The following NLGN4Y variants were observed in gnomAD, a reference collection of about 807,000 sequenced individuals.
The protein encoded by NLGN4Y is neuroligin 4 Y-linked.
A neutral mutation model predicts 8.4 loss-of-function variants in NLGN4Y; 4 were observed. That is an observed-to-expected ratio of 0.48 (90% CI 0.23 to 1.09). The LOEUF (loss-of-function observed/expected upper bound fraction) is 1.09, where lower values mean the gene tolerates loss of function less well. NLGN4Y is among the 50% of genes least tolerant of loss of function. The pLI, the probability that NLGN4Y is intolerant of heterozygous loss-of-function variation, is 0.19. For missense variants in NLGN4Y, 90 were observed against 192.3 expected (o/e 0.47, Z 3.15); for synonymous variants, 35 against 75.6 (o/e 0.46, Z 2.78).
intron 6 of NLGN4Y, among the ~76,000 whole-genome samples, chrY:14,831,434 C>T: frequency 3.2e-5 from 1 of 30,810 alleles, no homozygotes. Context: ...AAACAATTGT[C>T]ACAATATTTA....
intron 2 of NLGN4Y, among the ~76,000 whole-genome samples, chrY:14,671,272 T>C: frequency 6.0e-5 from 2 of 33,389 alleles, no homozygotes; most frequent in Non-Finnish European, 1.5e-4. Context: ...GAGTCACACC[T>C]GTGACTGCTT....
At chrY:14,815,984 G>A (rs2043100496) in intron 4 of NLGN4Y, among the ~76,000 whole-genome samples, 1 of 33,279 alleles carries the variant, frequency 3.0e-5, no homozygotes, top group African/African-American at 1.2e-4. Context: ...TAGACCATGG[G>A]GTTTTTTCTT....
rs750055715 is a variant in NLGN4Y, at chrY:14,743,045, G to A, written c.685+19776G>A. On this transcript the variant is annotated intron_variant, in intron 4 of 6. Transcript: ENST00000684976. ...ATGATTTATGTATAAGCAAAAAATG[G>A]GACTACTGACTACAGATCACGTTAG... is the stretch of plus-strand genomic sequence containing the variant. 6.4e-4 allele frequency among the ~76,000 whole-genome samples: 21 copies of A among 32,976 alleles called. No homozygotes were observed. The South Asian group carries it at 0.014, about 22-fold the overall frequency. 88.5% of individuals were successfully genotyped at this position (32,976 alleles called of 37,273 possible). A position where few individuals can be genotyped will look rare whatever the true frequency, so the allele number is the denominator to read the frequency against.
At chrY:14,596,906 T>C in intron 1 of NLGN4Y, among the ~76,000 whole-genome samples, 1 of 33,114 alleles carries the variant, frequency 3.0e-5, no homozygotes, top group Non-Finnish European at 7.4e-5. Context: ...TGCTTGGCGA[T>C]AGGCAAAAGT....
At chrY:14,626,602 T>G in intron 2 of NLGN4Y, among the ~76,000 whole-genome samples, 1 of 33,734 alleles carries the variant, frequency 3.0e-5, no homozygotes, top group South Asian at 6.6e-4. Context: ...AAAACGACCT[T>G]CCACCGTGTG....
intron 4 of NLGN4Y, among the ~76,000 whole-genome samples, chrY:14,795,235 ACTAT>A (rs2150581177): frequency 3.0e-5 from 1 of 33,838 alleles, no homozygotes; most frequent in Admixed American, 2.7e-4. Context: ...ATATAAATGA[ACTAT>A]CTTTTTCACA....
chrY:14,714,670 A>G, intron 2 of NLGN4Y, among the ~76,000 whole-genome samples: 1 of 33,592 alleles, frequency 3.0e-5, no homozygotes, highest in Non-Finnish European at 7.4e-5. Flanking sequence ...AAAACCATAA[A>G]AACCCTAGAA....
intron 2 of NLGN4Y, among the ~76,000 whole-genome samples, chrY:14,696,762 G>C: frequency 3.1e-5 from 1 of 32,718 alleles, no homozygotes; most frequent in Admixed American, 2.8e-4. Flanking sequence ...GAGAGATTAA[G>C]AGTTAATCTC....
chrY:14,711,784 G>C, intron 2 of NLGN4Y, among the ~76,000 whole-genome samples: 1 of 32,551 alleles, frequency 3.1e-5, no homozygotes, highest in South Asian at 7.0e-4. Context: ...CATAAATTAA[G>C]CCTCCCAGGG....
intron 2 of NLGN4Y, among the ~76,000 whole-genome samples, chrY:14,707,813 A>G (rs2080887333): frequency 3.0e-5 from 1 of 33,479 alleles, no homozygotes; most frequent in Non-Finnish European, 7.4e-5. Flanking sequence ...AATAGTAAGC[A>G]CAGGAATATG....
At chrY:14,839,107 A>G in intron 6 of NLGN4Y, among the ~76,000 whole-genome samples, 1 of 32,968 alleles carries the variant, frequency 3.0e-5, no homozygotes, top group Non-Finnish European at 7.4e-5. Context: ...TACCTGGAGG[A>G]TGGACTTTAG....
intron 1 of NLGN4Y, among the ~76,000 whole-genome samples, chrY:14,556,633 G>A (rs2080211537): frequency 3.0e-5 from 1 of 33,258 alleles, no homozygotes; most frequent in Non-Finnish European, 7.4e-5. Flanking sequence ...TCCTACTTTC[G>A]TTGGCTCATA....
intron 4 of NLGN4Y, among the ~76,000 whole-genome samples, chrY:14,786,736 A>C (rs2042968577): frequency 1.5e-4 from 5 of 33,228 alleles, no homozygotes; most frequent in African/African-American, 3.6e-4. Flanking sequence ...GCATATACAT[A>C]AATACATAAA....
At chrY:14,609,940 G>T in intron 1 of NLGN4Y, among the ~76,000 whole-genome samples, 1 of 33,187 alleles carries the variant, frequency 3.0e-5, no homozygotes, top group Admixed American at 2.7e-4. Context: ...GTTTATTCTT[G>T]GGAGAGTGTA....
intron 2 of NLGN4Y, among the ~76,000 whole-genome samples, chrY:14,647,380 C>G: frequency 3.0e-5 from 1 of 33,748 alleles, no homozygotes; most frequent in African/African-American, 1.1e-4. Context: ...ATCAGTAAAC[C>G]TATTGGTAGA....
chrY:14,713,918 A>G, intron 2 of NLGN4Y, among the ~76,000 whole-genome samples: 2 of 34,019 alleles, frequency 5.9e-5, no homozygotes, highest in South Asian at 6.3e-4. Flanking sequence ...TAATAAAATG[A>G]TATTTAAATC....
Position 14,622,128 on chromosome Y carries a change from T to C in NLGN4Y, c.9T>C (p.Arg3=), listed in dbSNP as rs770464263. ...GGATGCAGATTTGAACCATGTTGCG[T>C]CCCCAGGGACTGCTATGGCTCCCTT... ML[R]PQGLLWLPLL... Residue 3 remains arginine, a synonymous_variant, in exon 2 of 7, where the codon CGT becomes CGC. Coordinates refer to ENST00000684976, the MANE Select transcript of NLGN4Y (RefSeq NM_001365588.1). The C allele has an allele frequency of 2.5e-6, 1 of 396,498 alleles. No homozygotes were observed.
intron 2 of NLGN4Y, among the ~76,000 whole-genome samples, chrY:14,680,988 G>A: frequency 3.0e-5 from 1 of 33,101 alleles, no homozygotes; most frequent in Non-Finnish European, 7.5e-5. Context: ...ACTGAGATTA[G>A]GATGATTGAA....
At chrY:14,695,146 A>C in intron 2 of NLGN4Y, among the ~76,000 whole-genome samples, 1 of 33,815 alleles carries the variant, frequency 3.0e-5, no homozygotes, top group African/African-American at 1.2e-4. Context: ...CAAAACATCG[A>C]GGAAGCTTCA....
Sources: gnomAD v4.1 joint callset for allele counts (sites outside exome capture counted in the v4.1 genomes callset) on GRCh38, gnomAD v4.1.1 for gene constraint, MANE v1.5 for transcripts, NCBI Gene and HGNC (gene_info 2026-07-23, HGNC 2026-07-21) for gene names.